TMEM130: variants seen among roughly 807,000 people sequenced by gnomAD.
TMEM130 encodes transmembrane protein 130.
A neutral mutation model predicts 42.9 loss-of-function variants in TMEM130; 37 were observed. The ratio of observed to expected loss-of-function variants is 0.86; its 90% confidence interval spans 0.66 to 1.13. The LOEUF is 1.13. Ranked by LOEUF, TMEM130 falls within the 50% of genes most tolerant of loss-of-function variation. TMEM130 has a pLI of 0.00. For synonymous variants in TMEM130, 259 were observed against 237.7 expected, an observed-to-expected ratio of 1.09 and a Z score of -0.82; for missense variants, 545 against 562.6, an observed-to-expected ratio of 0.97 and a Z score of 0.32.
chr7:98,850,164 T>A (rs1324389409), intron 6 of TMEM130, among the ~76,000 whole-genome samples: 1 of 147,346 alleles, frequency 6.8e-6, no homozygotes, highest in African/African-American at 2.5e-5. Context: ...ATCTACCACA[T>A]CAGCTTCCCG....
intron 1 of TMEM130, chr7:98,866,759 C>T (rs1794919410): frequency 6.6e-6 from 1 of 152,220 alleles, no homozygotes; most frequent in Admixed American, 6.6e-5. Flanking sequence ...CTGCTTTGGC[C>T]CACATCACGT....
At chr7:98,864,482 G>T (rs1481374675) in intron 1 of TMEM130, among the ~76,000 whole-genome samples, 2 of 149,700 alleles carry the variant, frequency 1.3e-5, no homozygotes, top group African/African-American at 4.9e-5. Flanking sequence ...CTCCCAAAGT[G>T]CTGGGATTAC....
chr7:98,868,759 AT>A (rs1794963797), intron 1 of TMEM130, among the ~76,000 whole-genome samples: 1 of 152,144 alleles, frequency 6.6e-6, no homozygotes. Flanking sequence ...CACTTTTGTT[AT>A]TATTTTCTTT....
chr7:98,851,468 A>G lies in TMEM130; in HGVS notation c.959T>C (p.Ile320Thr), dbSNP rs913609798. The G allele has an allele frequency of 3.7e-6, 6 of 1,613,884 alleles. No homozygotes were observed. The Admixed American group carries it at 5.0e-5, about 13-fold the overall frequency. Residue 320 changes from isoleucine (I) to threonine (T), a missense_variant, in exon 6 of 8, where the codon ATC becomes ACC. By Grantham distance (89) the Ile-to-Thr change is moderately conservative (BLOSUM62 -1). Coordinates refer to ENST00000339375, the MANE Select transcript of TMEM130 (RefSeq NM_152913.3). ...DYCFSIRAEN[I>T]ISKTHQYHKI... ...GTGGTACTGATGTGTCTTGCTGATG[A>G]TATTCTCGGCCCGGATGCTGAAGCA...
At chr7:98,860,151 T>C in intron 3 of TMEM130, 28 bp downstream of exon 3, 1 of 1,604,202 alleles carries the variant, frequency 6.2e-7, no homozygotes, top group South Asian at 1.1e-5. Context: ...GTGACAGCTG[T>C]AGGGCCTGCA....
At chr7:98,866,140 C>T (rs539195934) in intron 1 of TMEM130, 1 of 152,704 alleles carries the variant, frequency 6.5e-6, no homozygotes, top group African/African-American at 2.4e-5. Flanking sequence ...GGCGAAACCC[C>T]GTCTCTACTA....
chr7:98,860,360 G>C (rs782785907), intron 2 of TMEM130, 22 bp from the exon 3 acceptor site: 1 of 1,570,778 alleles, frequency 6.4e-7, no homozygotes, highest in South Asian at 1.2e-5. Context: ...AGAGACACGG[G>C]AGGGTGAGTC....
intron 1 of TMEM130, among the ~76,000 whole-genome samples, chr7:98,864,829 G>A (rs928565655): frequency 2.0e-5 from 3 of 152,170 alleles, no homozygotes; most frequent in Non-Finnish European, 4.4e-5. Context: ...GAACCCAAGA[G>A]GCAGAGATTG....
At chr7:98,864,026 G>A (rs1432817712) in intron 1 of TMEM130, among the ~76,000 whole-genome samples, 6 of 151,884 alleles carry the variant, frequency 4.0e-5, no homozygotes, top group Non-Finnish European at 8.8e-5. Flanking sequence ...CCAAATAACT[G>A]AAACTATAGG....
At chr7:98,863,602 G>A (rs946349341) in intron 1 of TMEM130, among the ~76,000 whole-genome samples, 1 of 151,490 alleles carries the variant, frequency 6.6e-6, no homozygotes, top group Non-Finnish European at 1.5e-5. Context: ...AGTCTTTTCA[G>A]TCTTATTTCC....
chr7:98,863,942 G>A lies in TMEM130; in HGVS notation c.86-542C>T, dbSNP rs1794851354. On this transcript the variant is annotated intron_variant, in intron 1 of 7. Transcript: ENST00000339375. ...TCTCTGGATCTCACTCTGTAACCCA[G>A]ACTGGAGTACAATCATCACAGTTCG... is the stretch of plus-strand genomic sequence containing the variant. 3.3e-5 allele frequency among the ~76,000 whole-genome samples: 5 copies of A among 149,512 alleles called. No individual in the cohort carries two copies. The South Asian group carries it at 1.1e-3, about 32-fold the overall frequency.
chr7:98,866,633 C>T (rs1282399611), intron 1 of TMEM130: 16 of 152,254 alleles, frequency 1.1e-4, no homozygotes, highest in African/African-American at 3.9e-4. Context: ...TTCTAGTGCC[C>T]AGGCAACTCT....
At chr7:98,856,326 C>A in intron 3 of TMEM130, 143 bp from the exon 4 acceptor site, 1 of 800,378 alleles carries the variant, frequency 1.2e-6, no homozygotes, top group Non-Finnish European at 2.0e-6. Context: ...GCACACCTGT[C>A]ATCACAGCCT....
chr7:98,866,843 T>C (rs1232136296), intron 1 of TMEM130: 2 of 152,010 alleles, frequency 1.3e-5, no homozygotes, highest in African/African-American at 4.8e-5. Context: ...CTCACACCTG[T>C]AATCACAGCG....
At chr7:98,866,763 A>G (rs909109557) in intron 1 of TMEM130, 1 of 152,148 alleles carries the variant, frequency 6.6e-6, no homozygotes, top group African/African-American at 2.4e-5. Context: ...TTTGGCCCAC[A>G]TCACGTATTT....
At position 98,856,016 on chromosome 7, in the gene TMEM130, C is replaced by A. The variant is rs1794623988; in HGVS notation, c.718+1G>T. 1 of 1,612,292 alleles carries A rather than the reference C, an allele frequency of 6.2e-7. No homozygotes were observed. The highest frequency in any genetic ancestry group is 8.5e-7 in the Non-Finnish European group (1 of 1,179,926). ...CTGCATCAGCCTGCCTGGACACCCACCCTGCAGCTTCAGCGAGGCGGAGAA... is the reference window on the plus strand; with the variant it reads ...CTGCATCAGCCTGCCTGGACACCCAACCTGCAGCTTCAGCGAGGCGGAGAA... On this transcript the variant is annotated splice_donor_variant, in intron 4 of 7. Coordinates refer to ENST00000339375, the MANE Select transcript of TMEM130 (RefSeq NM_152913.3). LOFTEE classifies it high-confidence loss of function.
intron 4 of TMEM130, among the ~76,000 whole-genome samples, 154 bp downstream of exon 4, chr7:98,855,863 T>G (rs1406903203): frequency 6.6e-6 from 1 of 152,188 alleles, no homozygotes; most frequent in East Asian, 1.9e-4. Flanking sequence ...CCTGCAGCGC[T>G]CTGTCTGAAG....
intron 3 of TMEM130, among the ~76,000 whole-genome samples, chr7:98,858,600 C>T (rs1451114512): frequency 1.3e-5 from 2 of 152,038 alleles, no homozygotes; most frequent in African/African-American, 4.8e-5. Context: ...CCTGTAATCC[C>T]AATGCTTTGA....
intron 5 of TMEM130, 59 bp downstream of exon 5, chr7:98,855,181 G>A (rs1487686933): frequency 4.0e-5 from 59 of 1,488,770 alleles, no homozygotes; most frequent in Non-Finnish European, 4.7e-5. Flanking sequence ...TGGGGTCATC[G>A]TGAAGGGGGA....
Sources: allele counts gnomAD v4.1 joint callset (sites outside exome capture counted in the v4.1 genomes callset), GRCh38; gene constraint gnomAD v4.1.1; transcripts MANE v1.5; gene names NCBI Gene and HGNC (gene_info 2026-07-23, HGNC 2026-07-21).